Variants in SNRPC observed in about 807,000 individuals in gnomAD.
SNRPC encodes the protein U1 small nuclear ribonucleoprotein C.
In SNRPC, 5 loss-of-function variants were observed where a neutral mutation model predicts 20.0. The observed-to-expected ratio is 0.25, with a 90% CI of 0.13 to 0.53. The LOEUF (loss-of-function observed/expected upper bound fraction) is 0.53. Among genes scored for constraint, SNRPC ranks in the 20% least tolerant of loss-of-function variants. The probability of loss-of-function intolerance (pLI) is 0.96; values close to 1 mark genes in which losing one functional copy is unlikely to be tolerated. For synonymous variants in SNRPC, 61 were observed against 58.7 expected, an observed-to-expected ratio of 1.04 and a Z score of -0.18; for missense variants, 112 against 224.1, an observed-to-expected ratio of 0.50 and a Z score of 3.19.
chr6:34,759,318 A>ATGG (rs1764503235), intron 2 of SNRPC, among the ~76,000 whole-genome samples: 1 of 152,122 alleles, frequency 6.6e-6, no homozygotes, highest in Non-Finnish European at 1.5e-5. Context: ...TGGGCTGGAT[A>ATGG]TGGTGGCTCA....
intron 4 of SNRPC, among the ~76,000 whole-genome samples, chr6:34,768,824 T>C (rs1764649288): frequency 6.6e-6 from 1 of 150,946 alleles, no homozygotes. Context: ...GAGTGGATCA[T>C]GGGCCCAGCT....
intron 5 of SNRPC, among the ~76,000 whole-genome samples, chr6:34,772,756 C>T (rs888127497): frequency 6.6e-6 from 1 of 152,074 alleles, no homozygotes; most frequent in African/African-American, 2.4e-5. Context: ...ACCTGTGTTC[C>T]TCCCCTACCC....
At chr6:34,758,799 G>A (rs1400597038) in intron 2 of SNRPC, among the ~76,000 whole-genome samples, 1 of 151,850 alleles carries the variant, frequency 6.6e-6, no homozygotes, top group Non-Finnish European at 1.5e-5. Context: ...GGCCGAGGCG[G>A]GCGGATCACG....
At chr6:34,768,796 A>G (rs528353111) in intron 4 of SNRPC, among the ~76,000 whole-genome samples, 1 of 151,852 alleles carries the variant, frequency 6.6e-6, no homozygotes, top group Non-Finnish European at 1.5e-5. Context: ...AAAGGTAAGA[A>G]TTAGATCATT....
At chr6:34,762,745 ATTC>A (rs762814851) in intron 3 of SNRPC, 42 bp downstream of exon 3, 13 of 993,524 alleles carry the variant, frequency 1.3e-5, no homozygotes, top group African/African-American at 4.8e-5. Flanking sequence ...AAATGGTCCT[ATTC>A]TTTCTTATCC....
intron 5 of SNRPC, among the ~76,000 whole-genome samples, chr6:34,770,738 T>C (rs1006528729): frequency 6.6e-6 from 1 of 152,250 alleles, no homozygotes; most frequent in Non-Finnish European, 1.5e-5. Flanking sequence ...ATCCTGGCTT[T>C]TGGCCATTTA....
At chr6:34,766,127 A>G (rs2127406935) in intron 3 of SNRPC, among the ~76,000 whole-genome samples, 1 of 152,330 alleles carries the variant, frequency 6.6e-6, no homozygotes, top group Non-Finnish European at 1.5e-5. Context: ...TTGGCATTAA[A>G]AGATTTACAG....
chr6:34,772,404 A>T (rs1433006405), intron 5 of SNRPC, among the ~76,000 whole-genome samples: 1 of 152,190 alleles, frequency 6.6e-6, no homozygotes, highest in Non-Finnish European at 1.5e-5. Flanking sequence ...ATTCTTCAAT[A>T]TAGGTTAAGC....
intron 2 of SNRPC, among the ~76,000 whole-genome samples, 162 bp downstream of exon 2, chr6:34,758,116 A>C (rs1250769378): frequency 1.3e-5 from 2 of 152,120 alleles, no homozygotes; most frequent in Non-Finnish European, 2.9e-5. Flanking sequence ...CCCTTCCAGT[A>C]ACTTTGATTA....
At chr6:34,765,283 T>C (rs1764598253) in intron 3 of SNRPC, among the ~76,000 whole-genome samples, 1 of 152,198 alleles carries the variant, frequency 6.6e-6, no homozygotes, top group African/African-American at 2.4e-5. Flanking sequence ...CCAGGCATTG[T>C]GCAGTGCCCC....
At chr6:34,769,475 G>C (rs1581593201) in intron 4 of SNRPC, among the ~76,000 whole-genome samples, 1 of 151,936 alleles carries the variant, frequency 6.6e-6, no homozygotes, top group Non-Finnish European at 1.5e-5. Context: ...TTACAGGCTT[G>C]AGCCACCACC....
chr6:34,763,678 C>CAA (rs71538265), intron 3 of SNRPC, among the ~76,000 whole-genome samples: 54,169 of 127,850 alleles, frequency 0.42, 12,028 homozygotes, highest in African/African-American at 0.62. Flanking sequence ...GAGACTGTCT[C>CAA]AAAAAAAAAA....
At chr6:34,770,688 G>T (rs1419642019) in intron 5 of SNRPC, among the ~76,000 whole-genome samples, 1 of 152,230 alleles carries the variant, frequency 6.6e-6, no homozygotes, top group Non-Finnish European at 1.5e-5. Context: ...AGGATAGGTT[G>T]CTTCTGTTTT....
chr6:34,760,328 C>T (rs940663743), intron 2 of SNRPC, among the ~76,000 whole-genome samples: 13 of 151,826 alleles, frequency 8.6e-5, no homozygotes, highest in Non-Finnish European at 2.9e-5. Flanking sequence ...AAAACGGTCC[C>T]GCCTCAGCCT....
chr6:34,763,541 C>T (rs892779665), intron 3 of SNRPC, among the ~76,000 whole-genome samples: 2 of 151,036 alleles, frequency 1.3e-5, no homozygotes, highest in Admixed American at 6.6e-5. Context: ...ATTAGCGGGG[C>T]GTGGTGGTGC....
intron 4 of SNRPC, 120 bp from the exon 5 acceptor site, chr6:34,770,171 G>A (rs1010083539): frequency 9.1e-6 from 7 of 768,806 alleles, no homozygotes; most frequent in African/African-American, 6.9e-5. Flanking sequence ...GTGGTGAGCC[G>A]AGATTGTGCC....
intron 1 of SNRPC, 50 bp downstream of exon 1, chr6:34,757,601 C>T (rs527587366): frequency 8.2e-6 from 13 of 1,589,202 alleles, no homozygotes; most frequent in Admixed American, 1.7e-5. Context: ...TAGTTGTGGC[C>T]CCCATGCAGG....
chr6:34,757,871 A>G (rs1279406889), intron 1 of SNRPC, 41 bp from the exon 2 acceptor site: 4 of 1,575,318 alleles, frequency 2.5e-6, no homozygotes, highest in African/African-American at 3.6e-5. Context: ...TGGGCATCTC[A>G]GTGGTTGTCG....
chr6:34,758,297 T>TA (rs1293305638), intron 2 of SNRPC, among the ~76,000 whole-genome samples: 1 of 152,012 alleles, frequency 6.6e-6, no homozygotes, highest in Non-Finnish European at 1.5e-5. Flanking sequence ...TAACAACAGT[T>TA]AAAGCAGAAT....
Sources: gnomAD v4.1 joint callset for allele counts (sites outside exome capture counted in the v4.1 genomes callset) on GRCh38, gnomAD v4.1.1 for gene constraint, MANE v1.5 for transcripts, NCBI Gene and HGNC (gene_info 2026-07-23, HGNC 2026-07-21) for gene names.